SLC7A11: variants seen among roughly 807,000 people sequenced by gnomAD.
The protein encoded by SLC7A11 is cystine/glutamate transporter.
In SLC7A11, 35 loss-of-function variants were observed where a neutral mutation model predicts 54.5. The observed-to-expected ratio is 0.64, with a 90% CI of 0.49 to 0.85. The LOEUF (loss-of-function observed/expected upper bound fraction) is 0.85, where lower values mean the gene tolerates loss of function less well. Among genes scored for constraint, SLC7A11 ranks in the 40% least tolerant of loss-of-function variants. The pLI is 0.00. For missense variants in SLC7A11, 583 were observed against 618.1 expected (o/e 0.94, Z 0.60); for synonymous variants, 230 against 225.2 (o/e 1.02, Z -0.19).
chr4:138,219,170 T>C (rs1737746477), intron 5 of SLC7A11, 96 bp downstream of exon 5: 1 of 720,540 alleles, frequency 1.4e-6, no homozygotes, highest in South Asian at 1.7e-5. Context: ...ATTATGGCTA[T>C]TCACATTTGC....
At chr4:138,225,333 T>C (rs532903607) in intron 3 of SLC7A11, among the ~76,000 whole-genome samples, 39 of 151,788 alleles carry the variant, frequency 2.6e-4, no homozygotes, top group African/African-American at 8.9e-4. Flanking sequence ...GAAGATCTCA[T>C]ACAAAGTGAA....
chr4:138,220,887 G>A (rs1045814771), intron 4 of SLC7A11, among the ~76,000 whole-genome samples: 1 of 152,132 alleles, frequency 6.6e-6, no homozygotes, highest in African/African-American at 2.4e-5. Flanking sequence ...TGAGTATGAA[G>A]ACCAAAAATG....
At chr4:138,202,614 G>C (rs1194299606) in intron 6 of SLC7A11, among the ~76,000 whole-genome samples, 1 of 152,010 alleles carries the variant, frequency 6.6e-6, no homozygotes. Context: ...TGCTCCCATA[G>C]TCATGTACTC....
intron 6 of SLC7A11, among the ~76,000 whole-genome samples, chr4:138,204,289 C>A (rs1207867551): frequency 6.6e-6 from 1 of 152,044 alleles, no homozygotes; most frequent in Non-Finnish European, 1.5e-5. Flanking sequence ...TGAACTTCAG[C>A]TTTCTACAGC....
At chr4:138,181,097 G>A (rs1378604857) in intron 9 of SLC7A11, among the ~76,000 whole-genome samples, 1 of 152,024 alleles carries the variant, frequency 6.6e-6, no homozygotes, top group Non-Finnish European at 1.5e-5. Context: ...TCTTCAAAGA[G>A]TAAAAGAAAG....
chr4:138,227,051 A>G (rs1452274613), intron 3 of SLC7A11, among the ~76,000 whole-genome samples: 3 of 152,226 alleles, frequency 2.0e-5, no homozygotes, highest in African/African-American at 7.2e-5. Context: ...GAGGATGTTT[A>G]GGGGAATGTT....
chr4:138,236,185 A>G (rs575571693), intron 2 of SLC7A11, 140 bp downstream of exon 2: 2 of 639,910 alleles, frequency 3.1e-6, no homozygotes, highest in Middle Eastern at 4.4e-4. Context: ...GTACTTTATC[A>G]CAGGCTTTAT....
intron 7 of SLC7A11, among the ~76,000 whole-genome samples, chr4:138,184,135 T>C (rs1277326938): frequency 6.6e-6 from 1 of 152,144 alleles, no homozygotes; most frequent in Non-Finnish European, 1.5e-5. Flanking sequence ...AAAGAATAAG[T>C]GCTGCCCTTT....
chr4:138,175,219 T>C (rs559589676), intron 11 of SLC7A11, among the ~76,000 whole-genome samples: 7 of 152,350 alleles, frequency 4.6e-5, no homozygotes, highest in African/African-American at 1.7e-4. Context: ...CATATGCTTT[T>C]AGGACTCTGG....
chr4:138,216,230 A>G (rs1358762979), intron 5 of SLC7A11, among the ~76,000 whole-genome samples: 1 of 152,194 alleles, frequency 6.6e-6, no homozygotes, highest in African/African-American at 2.4e-5. Context: ...CAACTATGTG[A>G]ATTATTTTTA....
intron 11 of SLC7A11, chr4:138,176,337 T>A (rs546449919): frequency 1.3e-5 from 2 of 152,250 alleles, no homozygotes; most frequent in Non-Finnish European, 2.9e-5. Context: ...CTTAATGGCA[T>A]TTTTGAGAAC....
intron 6 of SLC7A11, among the ~76,000 whole-genome samples, chr4:138,188,941 G>A (rs753088737): frequency 6.6e-6 from 1 of 152,160 alleles, no homozygotes; most frequent in Non-Finnish European, 1.5e-5. Flanking sequence ...ACAGCTTTTT[G>A]TCATATATGC....
Position 138,227,289 on chromosome 4 carries a change from T to C in SLC7A11, c.521-3965A>G, listed in dbSNP as rs367980170. Among the ~76,000 whole-genome samples, 275 of 152,340 alleles carry C rather than the reference T, an allele frequency of 1.8e-3. 2 individuals carry two copies. The highest frequency in any genetic ancestry group is 6.1e-3 in the African/African-American group (253 of 41,590). The stretch of plus-strand genomic sequence containing the variant: ...ACATGTTGAGATAAAGTGGGTTGTT[T>C]CACTGCTGTTTTGTAATGACTGCCT... On this transcript the variant is annotated intron_variant, in intron 3 of 11. Transcript: ENST00000280612.
chr4:138,241,787 A>G lies in SLC7A11; in HGVS notation c.277+6T>C. 1.2e-6 allele frequency: 2 copies of G among 1,605,566 alleles called. No homozygotes were observed. The highest frequency in any genetic ancestry group is 2.2e-5 in the East Asian group (1 of 44,718). On this transcript the variant is annotated splice_donor_region_variant and intron_variant, in intron 1 of 11. Transcript: ENST00000280612. ...ACGCCCCCACGAGAGAAAAAGTCGC[A>G]CTCACCAAATAGTGACAGGACCCCA...
intron 1 of SLC7A11, among the ~76,000 whole-genome samples, chr4:138,238,799 T>C (rs919550469): frequency 1.3e-5 from 2 of 151,910 alleles, no homozygotes; most frequent in Non-Finnish European, 2.9e-5. Context: ...GGCAGGGTTT[T>C]GCCATGTTGC....
At chr4:138,235,398 T>G (rs1389552700) in intron 2 of SLC7A11, among the ~76,000 whole-genome samples, 1 of 139,550 alleles carries the variant, frequency 7.2e-6, no homozygotes, top group African/African-American at 2.5e-5. Flanking sequence ...TTGAAGATCT[T>G]TTTTTGGTTA....
chr4:138,232,366 C>T lies in SLC7A11; in HGVS notation c.421G>A (p.Val141Met), dbSNP rs753328969. The T allele has an allele frequency of 3.1e-6, 5 of 1,607,586 alleles. No individual in the cohort carries two copies. Among genetic ancestry groups the T allele is most frequent in the Non-Finnish European group, 4.3e-6 (5 of 1,174,262 alleles). Residue 141 changes from valine to methionine, a missense_variant, in exon 3 of 12, where the codon GTG (valine) becomes ATG (methionine). By Grantham distance (21) the Val-to-Met change is conservative (BLOSUM62 1). Transcript: ENST00000280612. The part of the protein sequence containing the change: ...LLIIRPAATA[V>M]ISLAFGRYIL... ...TAGCGTCCAAATGCCAGGGATATCACAGCAGTAGCTGCAGGGCTAAAAAAA... is the reference window on the plus strand; with the variant it reads ...TAGCGTCCAAATGCCAGGGATATCATAGCAGTAGCTGCAGGGCTAAAAAAA...
Position 138,242,165 on chromosome 4 carries a change from G to T in SLC7A11, c.-96C>A. 2 of 1,356,608 alleles carry T rather than the reference G, an allele frequency of 1.5e-6. No homozygotes were observed. Among genetic ancestry groups the T allele is most frequent in the Non-Finnish European group, 2.0e-6 (2 of 995,222 alleles). The allele number at this position is 1,356,608 out of a possible 1,614,324, so 84.0% of individuals were successfully genotyped here. A position where few individuals can be genotyped will look rare whatever the true frequency, so the allele number is the denominator to read the frequency against. On this transcript the variant is annotated 5_prime_UTR_variant, in exon 1 of 12. Coordinates refer to ENST00000280612, the MANE Select transcript of SLC7A11 (RefSeq NM_014331.4). ...GTGTTACTGATCGATGTCTTCCTCT[G>T]CTTTCAGACTGTCTCTCTCAGCGCT...
In SLC7A11 at chr4:138,242,086, G is replaced by T. The variant is rs765133729; in HGVS notation, c.-17C>A. 3 of 1,611,172 alleles carry T rather than the reference G, an allele frequency of 1.9e-6. No homozygotes were observed. Among genetic ancestry groups the T allele is most frequent in the Admixed American group, 3.4e-5 (2 of 59,518 alleles). Reference sequence around the variant, plus strand: ...TCTGACCATAGTAGGGACACACGGGGGAAAAATAAAACAGAGGGAAAGAAA... The same window carrying T: ...TCTGACCATAGTAGGGACACACGGGTGAAAAATAAAACAGAGGGAAAGAAA... On this transcript the variant is annotated 5_prime_UTR_variant, in exon 1 of 12. Coordinates refer to ENST00000280612, the MANE Select transcript of SLC7A11 (RefSeq NM_014331.4).
Sources: allele counts gnomAD v4.1 joint callset (sites outside exome capture counted in the v4.1 genomes callset), GRCh38; gene constraint gnomAD v4.1.1; transcripts MANE v1.5; gene names NCBI Gene and HGNC (gene_info 2026-07-23, HGNC 2026-07-21).